Variants in CELSR1 observed in about 807,000 individuals in gnomAD.
CELSR1 encodes the protein cadherin EGF LAG seven-pass G-type receptor 1, also known as adhesion G protein-coupled receptor C1.
CELSR1 carries 110 observed loss-of-function variants against 249.1 expected under a neutral mutation model. That is an observed-to-expected ratio of 0.44 (90% CI 0.38 to 0.52). The LOEUF (loss-of-function observed/expected upper bound fraction) is 0.52, where lower values mean the gene tolerates loss of function less well. Ranked by LOEUF, CELSR1 falls within the 20% of genes least tolerant of loss-of-function variation. The pLI, the probability that CELSR1 is intolerant of heterozygous loss-of-function variation, is 0.00. For synonymous variants in CELSR1, 2,113 were observed against 1,900.0 expected (o/e 1.11, Z -2.92); for missense variants, 4,109 against 4,296.4 (o/e 0.96, Z 1.22).
At position 46,517,266 on chromosome 22, in the gene CELSR1, C is replaced by T. The variant is rs1470399936; in HGVS notation, c.3544+16361G>A. On this transcript the variant is annotated intron_variant, in intron 1 of 34. Coordinates refer to ENST00000674500, the MANE Select transcript of CELSR1 (RefSeq NM_001378328.1). The surrounding 1 kb of genome is among the most constrained non-coding windows in gnomAD (Gnocchi z 5.4). Reference sequence around the variant, plus strand: ...CTTTGCTCTGGCAAAAAATGCTGGGCCGATGACCCGCAGGAAAAACAGGAG... The same window carrying T: ...CTTTGCTCTGGCAAAAAATGCTGGGTCGATGACCCGCAGGAAAAACAGGAG... Among the ~76,000 whole-genome samples the T allele has an allele frequency of 6.6e-6, 1 of 152,262 alleles. No homozygotes were observed. The highest frequency in any genetic ancestry group is 6.5e-5 in the Admixed American group (1 of 15,282).
In CELSR1 at chr22:46,529,414, T is replaced by C. The variant is rs1602245833; in HGVS notation, c.3544+4213A>G. Among the ~76,000 whole-genome samples, 4 of 152,158 alleles carry C rather than the reference T, an allele frequency of 2.6e-5. No homozygotes were observed. The East Asian group carries it at 7.7e-4, about 29-fold the overall frequency. On this transcript the variant is annotated intron_variant, in intron 1 of 34. Transcript: ENST00000674500. ...GATCTAAAAATCAAAGCAATTGAACTCATGGGGACAGAGAATAGAAGAATG... is the reference window on the plus strand; with the variant it reads ...GATCTAAAAATCAAAGCAATTGAACCCATGGGGACAGAGAATAGAAGAATG...
At position 46,409,991 on chromosome 22, in the gene CELSR1, A is replaced by G. The variant is rs1025272931; in HGVS notation, c.4934-111T>C. On this transcript the variant is annotated intron_variant, in intron 7 of 34. Transcript: ENST00000674500. This position sits in a 1 kb window ranked among gnomAD's most constrained non-coding sequence, Gnocchi z 9.8. ...CGGAATGGACCCGGGGCTGGACAGA[A>G]GTCAGACCAGGTCTGAACGCCCCTG... 6.9e-7 allele frequency: 1 copy of G among 1,448,910 alleles called. No individual in the cohort carries two copies. Among genetic ancestry groups the G allele is most frequent in the East Asian group, 2.3e-5 (1 of 43,634 alleles). The allele number at this position is 1,448,910 out of a possible 1,614,324, so 89.8% of individuals were successfully genotyped here.
At chr22:46,416,133 G>A (rs1050541531) in intron 5 of CELSR1, among the ~76,000 whole-genome samples, 3 of 147,862 alleles carry the variant, frequency 2.0e-5, no homozygotes, top group South Asian at 2.1e-4. Flanking sequence ...TGAGACAGAC[G>A]AACCGCCTCC....
chr22:46,368,797 C>G (rs552725359), intron 27 of CELSR1, among the ~76,000 whole-genome samples: 31 of 151,960 alleles, frequency 2.0e-4, no homozygotes, highest in African/African-American at 6.3e-4. Flanking sequence ...GTGGGGGGGT[C>G]TCCTCCCCTC....
intron 1 of CELSR1, among the ~76,000 whole-genome samples, chr22:46,480,990 A>C (rs939734917): frequency 3.3e-5 from 5 of 152,170 alleles, no homozygotes; most frequent in African/African-American, 1.2e-4. Context: ...TAATCCCAGC[A>C]CTTTGGGAGG....
At chr22:46,463,596 A>T in intron 2 of CELSR1, 111 bp downstream of exon 2, 2 of 1,216,614 alleles carry the variant, frequency 1.6e-6, no homozygotes, top group South Asian at 4.4e-5. Context: ...CCCAGCGCCC[A>T]TCCTCCAGCT....
rs2078870914 is a variant in CELSR1 at position 46,372,901 on chromosome 22, T to A, written c.7741A>T (p.Ile2581Phe). The change falls in exon 25 of 35, where the codon ATC (isoleucine) becomes TTC (phenylalanine). Residue 2581 changes from isoleucine (I) to phenylalanine (F), a missense_variant. Ile to Phe is a conservative substitution (Grantham distance 21). Coordinates refer to ENST00000674500, the MANE Select transcript of CELSR1 (RefSeq NM_001378328.1). ...MRFYYVVGWG[I>F]PAIVTGLAVG... ...TCCTCACCTGTGACAATGGCCGGGA[T>A]GCCCCAGCCCACGACGTAGTAGAAC... 2 of 1,608,424 alleles carry A rather than the reference T, an allele frequency of 1.2e-6. No homozygotes were observed. The highest frequency in any genetic ancestry group is 1.1e-5 in the South Asian group (1 of 90,536).
intron 29 of CELSR1, among the ~76,000 whole-genome samples, chr22:46,366,683 CCCG>C (rs1262633566): frequency 6.6e-6 from 1 of 152,180 alleles, no homozygotes; most frequent in Non-Finnish European, 1.5e-5. Flanking sequence ...CACATCCTGG[CCCG>C]CGCTGTGGTC....
chr22:46,458,731 C>T (rs974360156), intron 2 of CELSR1, among the ~76,000 whole-genome samples: 5 of 152,284 alleles, frequency 3.3e-5, no homozygotes, highest in East Asian at 3.9e-4. Flanking sequence ...ATCCTGGCCC[C>T]GCCCGCCTGG....
chr22:46,391,688 G>C lies in CELSR1; in HGVS notation c.6093C>G (p.Arg2031=). 6.2e-7 allele frequency: 1 copy of C among 1,609,800 alleles called. No homozygotes were observed. The highest frequency in any genetic ancestry group is 8.5e-7 in the Non-Finnish European group (1 of 1,179,422). Residue 2031 remains arginine, a synonymous_variant, in exon 15 of 35, where the codon CGC becomes CGG. Transcript: ENST00000674500. This position sits in a 1 kb window ranked among gnomAD's most constrained non-coding sequence, Gnocchi z 4.3. The stretch of plus-strand genomic sequence containing the variant: ...ACGGGTTGTCGCAGCGGTTGCACTG[G>C]CGGCCGATGACGCCGGGCTTGCAGG... ...QCACKPGVIG[R]QCNRCDNPFA... is the part of the protein sequence containing the mutation.
At chr22:46,496,425 TG>T (rs1177826934) in intron 1 of CELSR1, among the ~76,000 whole-genome samples, 1 of 151,446 alleles carries the variant, frequency 6.6e-6, no homozygotes, top group African/African-American at 2.4e-5. Context: ...AAAACTAGCC[TG>T]GTGTGGTGGC....
At chr22:46,444,273 A>C (rs2079791368) in intron 2 of CELSR1, among the ~76,000 whole-genome samples, 1 of 152,238 alleles carries the variant, frequency 6.6e-6, no homozygotes, top group East Asian at 1.9e-4. Context: ...CCCTGAGTGA[A>C]GACAGCGCTT....
chr22:46,478,645 C>T (rs972841971), intron 1 of CELSR1, among the ~76,000 whole-genome samples: 34 of 151,498 alleles, frequency 2.2e-4, no homozygotes, highest in Non-Finnish European at 3.1e-4. Context: ...CGGGTTCAAG[C>T]GATTCTCCTG....
At position 46,410,631 on chromosome 22, in the gene CELSR1, A is replaced by C. The variant is rs2079323590; in HGVS notation, c.4770-70T>G. ...GCGGCCACGGCGGGCTGGGCTCCGCAGTTGCCTCTGTGTAGCCTCTACCAC... is the reference window on the plus strand; with the variant it reads ...GCGGCCACGGCGGGCTGGGCTCCGCCGTTGCCTCTGTGTAGCCTCTACCAC... On this transcript the variant is annotated intron_variant, in intron 6 of 34. Transcript: ENST00000674500. This position sits in a 1 kb window ranked among gnomAD's most constrained non-coding sequence, Gnocchi z 6.8. 1 of 1,537,580 alleles carries C rather than the reference A, an allele frequency of 6.5e-7. No homozygotes were observed. The highest frequency in any genetic ancestry group is 1.7e-5 in the Admixed American group (1 of 58,358).
In CELSR1 at chr22:46,468,098, T is replaced by C. The variant is rs4823819; in HGVS notation, c.3545-3753A>G. ...CCGACAGATTAACGGATTAAAACAA[T>C]GTGGTCTGGCCAGGTGTGGTGGCTT... On this transcript the variant is annotated intron_variant, in intron 1 of 34. Coordinates refer to ENST00000674500, the MANE Select transcript of CELSR1 (RefSeq NM_001378328.1). This position sits in a 1 kb window ranked among gnomAD's most constrained non-coding sequence, Gnocchi z 4.5. 0.46 allele frequency among the ~76,000 whole-genome samples: 69,617 copies of C among 151,458 alleles called. 16,118 individuals are homozygous for C. The highest frequency in any genetic ancestry group is 0.53 in the South Asian group (2,546 of 4,776).
rs1282608890 is a variant in CELSR1 at position 46,512,441 on chromosome 22, G to A, written c.3544+21186C>T. Among the ~76,000 whole-genome samples the A allele has an allele frequency of 6.6e-6, 1 of 152,144 alleles. No individual in the cohort carries two copies. On this transcript the variant is annotated intron_variant, in intron 1 of 34. Transcript: ENST00000674500. This position sits in a 1 kb window ranked among gnomAD's most constrained non-coding sequence, Gnocchi z 5.2. ...AAAAAAATTAGCCCGGTGTGGTGGT[G>A]TACACCTATAATCCCAGCTACGTAG...
chr22:46,491,822 A>G (rs1333544835), intron 1 of CELSR1, among the ~76,000 whole-genome samples: 1 of 151,792 alleles, frequency 6.6e-6, no homozygotes, highest in African/African-American at 2.4e-5. Context: ...TTTTTAGTAG[A>G]GACGGGGTTT....
At position 46,380,769 on chromosome 22, in the gene CELSR1, C is replaced by T. The variant is rs751566080; in HGVS notation, c.7256+19G>A. On this transcript the variant is annotated intron_variant, in intron 22 of 34. Coordinates refer to ENST00000674500, the MANE Select transcript of CELSR1 (RefSeq NM_001378328.1). This position sits in a 1 kb window ranked among gnomAD's most constrained non-coding sequence, Gnocchi z 5.1. Reference sequence around the variant, plus strand: ...GCCTTGGCAAAGCCCTCACATGGGGCTCCTGGCGTCACACTTACGCCAGGG... The same window carrying T: ...GCCTTGGCAAAGCCCTCACATGGGGTTCCTGGCGTCACACTTACGCCAGGG... 5 of 1,607,196 alleles carry T rather than the reference C, an allele frequency of 3.1e-6. No individual in the cohort carries two copies. The highest frequency in any genetic ancestry group is 4.3e-6 in the Non-Finnish European group (5 of 1,176,366).
rs181125957 is a variant in CELSR1, at chr22:46,512,201, G to A, written c.3544+21426C>T. 6.6e-6 allele frequency among the ~76,000 whole-genome samples: 1 copy of A among 152,336 alleles called. No individual in the cohort carries two copies. The highest frequency in any genetic ancestry group is 2.4e-5 in the African/African-American group (1 of 41,570). ...AGCGTGCTGCCCTCGAGGGCTCACAGCTAGGGGCAGGTGTCCCGGATTTGC... is the reference window on the plus strand; with the variant it reads ...AGCGTGCTGCCCTCGAGGGCTCACAACTAGGGGCAGGTGTCCCGGATTTGC... On this transcript the variant is annotated intron_variant, in intron 1 of 34. Transcript: ENST00000674500. The surrounding 1 kb of genome is among the most constrained non-coding windows in gnomAD (Gnocchi z 5.2).
Sources: allele counts gnomAD v4.1 joint callset (sites outside exome capture counted in the v4.1 genomes callset), GRCh38; gene constraint gnomAD v4.1.1; non-coding constraint Gnocchi (gnomAD v3.1); transcripts MANE v1.5; gene names NCBI Gene and HGNC (gene_info 2026-07-23, HGNC 2026-07-21).